The following KCNK2 variants were observed in gnomAD, a reference collection of about 807,000 sequenced individuals.
KCNK2 encodes the protein potassium two pore domain channel subfamily K member 2, also known as potassium channel subfamily K member 2.
Under a neutral mutation model 40.5 loss-of-function variants are expected in KCNK2, and 21 were observed. The ratio of observed to expected loss-of-function variants is 0.52; its 90% CI spans 0.37 to 0.75. KCNK2 has a LOEUF of 0.75. KCNK2 is among the 30% of genes least tolerant of loss of function. The pLI, the probability that KCNK2 is intolerant of heterozygous loss-of-function variation, is 0.00. For missense variants in KCNK2, 399 were observed against 531.6 expected (o/e 0.75, Z 2.45); for synonymous variants, 191 against 202.2 (o/e 0.94, Z 0.47).
chr1:215,182,771 T>A (rs183294320), intron 5 of KCNK2, among the ~76,000 whole-genome samples: 25 of 152,312 alleles, frequency 1.6e-4, no homozygotes, highest in African/African-American at 5.3e-4. Context: ...TTTATGTTTG[T>A]CCAGATTAAA....
chr1:215,083,593 C>G (rs1659283688), intron 1 of KCNK2, 162 bp downstream of exon 1: 4 of 632,888 alleles, frequency 6.3e-6, no homozygotes, highest in East Asian at 2.7e-5. Flanking sequence ...GAGGCAAACC[C>G]TTGCCAGATC....
intron 5 of KCNK2, among the ~76,000 whole-genome samples, chr1:215,192,404 T>C (rs1230468367): frequency 1.3e-5 from 2 of 152,192 alleles, no homozygotes; most frequent in East Asian, 1.9e-4. Context: ...ATAGACCTTT[T>C]AGTGATTAAG....
intron 2 of KCNK2, among the ~76,000 whole-genome samples, chr1:215,123,242 T>C (rs570257742): frequency 3.3e-5 from 5 of 151,986 alleles, no homozygotes; most frequent in Admixed American, 3.3e-4. Context: ...AACCTGCATG[T>C]GGAATAGTAT....
intron 1 of KCNK2, among the ~76,000 whole-genome samples, chr1:215,042,715 T>C (rs1250664532): frequency 6.6e-6 from 1 of 152,208 alleles, no homozygotes; most frequent in Non-Finnish European, 1.5e-5. Context: ...TTTTATCACA[T>C]CCTGCCTCTC....
chr1:215,230,986 T>G (rs1666638008), intron 6 of KCNK2, among the ~76,000 whole-genome samples: 1 of 152,202 alleles, frequency 6.6e-6, no homozygotes, highest in Non-Finnish European at 1.5e-5. Flanking sequence ...CATTCAGCCT[T>G]TTCCTAATTG....
At chr1:215,048,817 G>A (rs1657878690) in intron 1 of KCNK2, among the ~76,000 whole-genome samples, 1 of 152,148 alleles carries the variant, frequency 6.6e-6, no homozygotes, top group Non-Finnish European at 1.5e-5. Context: ...ACATGCATCT[G>A]AGTTTGCATG....
chr1:215,172,062 T>C lies in KCNK2; in HGVS notation c.702T>C (p.Cys234=), dbSNP rs1488583170. The C allele has an allele frequency of 9.9e-6, 16 of 1,613,416 alleles. No individual in the cohort carries two copies. Among genetic ancestry groups the C allele is most frequent in the Non-Finnish European group, 1.3e-5 (15 of 1,179,690 alleles). Residue 234 remains cysteine, a synonymous_variant, in exon 5 of 7, where the codon TGT becomes TGC. Coordinates refer to ENST00000444842, the MANE Select transcript of KCNK2 (RefSeq NM_001017425.3). ...CAATCATATTTATACTATTTGGCTG[T>C]GTACTCTTTGTGGCTCTGCCTGCGA... ...ISTIIFILFG[C]VLFVALPAII... is the part of the protein sequence containing the mutation.
chr1:215,215,835 G>A (rs1220254272), intron 6 of KCNK2, among the ~76,000 whole-genome samples: 3 of 152,172 alleles, frequency 2.0e-5, no homozygotes, highest in Admixed American at 6.5e-5. Context: ...TGTTTCACCA[G>A]GCTCAGGGTA....
intron 1 of KCNK2, among the ~76,000 whole-genome samples, chr1:215,037,325 T>A (rs1259148098): frequency 6.6e-6 from 1 of 151,936 alleles, no homozygotes; most frequent in African/African-American, 2.4e-5. Flanking sequence ...ATGAGGTGAG[T>A]TATACTGATA....
intron 2 of KCNK2, among the ~76,000 whole-genome samples, chr1:215,087,873 A>G (rs1285834570): frequency 6.6e-6 from 1 of 152,170 alleles, no homozygotes; most frequent in Non-Finnish European, 1.5e-5. Context: ...TTTACAGCAT[A>G]TGCATACACG....
At chr1:215,112,836 G>C (rs1660753427) in intron 2 of KCNK2, among the ~76,000 whole-genome samples, 1 of 152,130 alleles carries the variant, frequency 6.6e-6, no homozygotes. Context: ...GTGTGCAGTA[G>C]GCTATCGCAT....
intron 2 of KCNK2, among the ~76,000 whole-genome samples, chr1:215,106,785 T>A (rs886100627): frequency 6.6e-6 from 1 of 152,158 alleles, no homozygotes; most frequent in East Asian, 1.9e-4. Flanking sequence ...AGGAGTCCAG[T>A]TTCATTCATC....
intron 5 of KCNK2, among the ~76,000 whole-genome samples, chr1:215,183,119 T>A (rs1488341525): frequency 6.6e-6 from 1 of 152,138 alleles, no homozygotes; most frequent in Non-Finnish European, 1.5e-5. Flanking sequence ...ACGGGGTTGA[T>A]CTTTATGCAC....
At chr1:215,208,499 CTAAAA>C (rs1035104298) in intron 6 of KCNK2, among the ~76,000 whole-genome samples, 8 of 152,118 alleles carry the variant, frequency 5.3e-5, no homozygotes, top group Admixed American at 5.2e-4. Context: ...ATCCCCCATC[CTAAAA>C]TAAAAGTTTA....
At chr1:215,043,673 A>T (rs1316033549) in intron 1 of KCNK2, among the ~76,000 whole-genome samples, 1 of 152,218 alleles carries the variant, frequency 6.6e-6, no homozygotes, top group East Asian at 1.9e-4. Flanking sequence ...TAACAGGTAC[A>T]GAGTTTCAGT....
chr1:215,205,085 A>G (rs1360533126), intron 6 of KCNK2, among the ~76,000 whole-genome samples: 1 of 152,190 alleles, frequency 6.6e-6, no homozygotes, highest in African/African-American at 2.4e-5. Context: ...CTCCAGCAAA[A>G]GTGCTAGTCA....
chr1:215,221,172 G>A (rs2102700006), intron 6 of KCNK2, among the ~76,000 whole-genome samples: 1 of 152,302 alleles, frequency 6.6e-6, no homozygotes, highest in Middle Eastern at 3.4e-3. Flanking sequence ...TCAGGAGTTT[G>A]AGACCAGCCT....
At chr1:215,035,213 G>C (rs1314211356) in intron 1 of KCNK2, among the ~76,000 whole-genome samples, 3 of 152,046 alleles carry the variant, frequency 2.0e-5, no homozygotes, top group African/African-American at 7.2e-5. Flanking sequence ...TCAAACATTT[G>C]TAAGAGTTGT....
At position 215,169,384 on chromosome 1, in the gene KCNK2, C is replaced by T. The variant is rs373756785; in HGVS notation, c.636+25C>T. On this transcript the variant is annotated intron_variant, in intron 4 of 6. Transcript: ENST00000444842. ...TGTGAGTATGATAGATATTTAACTA[C>T]GTATATTTATTGTTTGATTTTTTTA... is the stretch of plus-strand genomic sequence containing the variant. The T allele has an allele frequency of 2.5e-5, 39 of 1,532,848 alleles. 4 individuals are homozygous for T. In the South Asian group the frequency reaches 3.0e-4, roughly 12 times the overall value. 95.0% of individuals were successfully genotyped at this position (1,532,848 alleles called of 1,614,324 possible).
Sources: allele counts gnomAD v4.1 joint callset (sites outside exome capture counted in the v4.1 genomes callset), GRCh38; gene constraint gnomAD v4.1.1; transcripts MANE v1.5; gene names NCBI Gene and HGNC (gene_info 2026-07-23, HGNC 2026-07-21).